Variants in UPP2 observed in about 807,000 individuals in gnomAD.
UPP2 encodes uridine phosphorylase 2.
UPP2 carries 23 observed loss-of-function variants against 26.7 expected under a neutral mutation model. That is an observed-to-expected ratio of 0.86 (90% confidence interval 0.62 to 1.22). UPP2 has a LOEUF of 1.22. UPP2 is among the 50% of genes most tolerant of loss of function. UPP2 has a pLI of 0.00. For missense variants in UPP2, 387 were observed against 396.7 expected (o/e 0.98, Z 0.21); for synonymous variants, 127 against 141.3 (o/e 0.90, Z 0.72).
At chr2:158,109,265 A>C (rs1168544916) in intron 2 of UPP2, among the ~76,000 whole-genome samples, 1 of 152,112 alleles carries the variant, frequency 6.6e-6, no homozygotes, top group East Asian at 1.9e-4. Context: ...GGGTGTATAA[A>C]GCTGAAACTT....
intron 3 of UPP2, among the ~76,000 whole-genome samples, chr2:158,056,727 T>A (rs1682251534): frequency 6.6e-6 from 1 of 152,226 alleles, no homozygotes; most frequent in African/African-American, 2.4e-5. Flanking sequence ...ACGGCAGTCG[T>A]ACTGGATTCA....
At chr2:158,051,338 A>G (rs1407414205) in intron 3 of UPP2, among the ~76,000 whole-genome samples, 2 of 152,148 alleles carry the variant, frequency 1.3e-5, no homozygotes, top group Non-Finnish European at 2.9e-5. Flanking sequence ...TAAATCTTTC[A>G]GTGAGATCCT....
intron 4 of UPP2, among the ~76,000 whole-genome samples, chr2:158,120,312 A>G (rs1258212146): frequency 6.6e-6 from 1 of 152,112 alleles, no homozygotes; most frequent in African/African-American, 2.4e-5. Flanking sequence ...TATAGACAAT[A>G]TGTAAATAAA....
At chr2:158,095,107 C>T (rs1398512950) in intron 3 of UPP2, among the ~76,000 whole-genome samples, 1 of 152,164 alleles carries the variant, frequency 6.6e-6, no homozygotes, top group Non-Finnish European at 1.5e-5. Flanking sequence ...ACAGAAATTG[C>T]TCCAGACAGG....
chr2:158,084,353 T>C (rs998068538), intron 3 of UPP2, among the ~76,000 whole-genome samples: 1 of 151,920 alleles, frequency 6.6e-6, no homozygotes, highest in African/African-American at 2.4e-5. Context: ...TTGATGGGAT[T>C]TTTTTTTCTT....
At chr2:158,035,407 G>T (rs1574256185) in intron 3 of UPP2, among the ~76,000 whole-genome samples, 1 of 152,182 alleles carries the variant, frequency 6.6e-6, no homozygotes, top group East Asian at 1.9e-4. Flanking sequence ...CACCTGCTTG[G>T]CCTCCCAAAG....
At chr2:158,082,086 G>T (rs1009191582) in intron 3 of UPP2, among the ~76,000 whole-genome samples, 1 of 151,806 alleles carries the variant, frequency 6.6e-6, no homozygotes, top group African/African-American at 2.4e-5. Flanking sequence ...GAGTAGCTGG[G>T]ACTACAGGTG....
At chr2:158,029,971 T>A (rs1396727649) in intron 3 of UPP2, among the ~76,000 whole-genome samples, 1 of 152,172 alleles carries the variant, frequency 6.6e-6, no homozygotes, top group South Asian at 2.1e-4. Flanking sequence ...CTTCAAACTT[T>A]CAAATTTGGG....
intron 3 of UPP2, among the ~76,000 whole-genome samples, chr2:158,095,455 C>T (rs925954045): frequency 6.6e-6 from 1 of 152,148 alleles, no homozygotes; most frequent in Non-Finnish European, 1.5e-5. Context: ...GATCAAATTC[C>T]CTTCTCTTGT....
intron 3 of UPP2, among the ~76,000 whole-genome samples, chr2:158,056,351 A>G (rs1471223455): frequency 6.6e-6 from 1 of 151,990 alleles, no homozygotes; most frequent in Non-Finnish European, 1.5e-5. Context: ...AGTAGTGGAA[A>G]CATTATTATT....
At chr2:158,054,384 G>GGTT (rs936561531) in intron 3 of UPP2, among the ~76,000 whole-genome samples, 2 of 65,136 alleles carry the variant, frequency 3.1e-5, no homozygotes, top group African/African-American at 2.5e-4. Context: ...GTTATTTTGA[G>GGTT]GTTTTTTTTT....
chr2:158,007,038 A>G (rs974784322), intron 2 of UPP2, among the ~76,000 whole-genome samples: 7 of 152,192 alleles, frequency 4.6e-5, no homozygotes, highest in Non-Finnish European at 5.9e-5. Flanking sequence ...TGACTCTGTG[A>G]GGTACCCATT....
intron 2 of UPP2, among the ~76,000 whole-genome samples, chr2:157,999,902 C>T (rs181079719): frequency 2.6e-5 from 4 of 151,702 alleles, no homozygotes; most frequent in Non-Finnish European, 1.5e-5. Context: ...CTAAAAACAT[C>T]AAAAGAGATG....
intron 3 of UPP2, among the ~76,000 whole-genome samples, chr2:158,045,072 C>T (rs549747284): frequency 1.3e-5 from 2 of 152,164 alleles, no homozygotes; most frequent in South Asian, 4.2e-4. Flanking sequence ...TTTCTTTTCC[C>T]TTCCAAATCA....
At chr2:158,107,661 G>C (rs901137789) in intron 2 of UPP2, among the ~76,000 whole-genome samples, 2 of 151,736 alleles carry the variant, frequency 1.3e-5, no homozygotes, top group African/African-American at 4.8e-5. Flanking sequence ...AAGGAGGGAA[G>C]GAAAGAAAAA....
upstream of UPP2, among the ~76,000 whole-genome samples, chr2:158,101,314 T>G (rs2105209878): frequency 6.6e-6 from 1 of 152,364 alleles, no homozygotes; most frequent in Middle Eastern, 3.4e-3. Context: ...TATGCTGTAT[T>G]ATTATTCCAT....
intron 3 of UPP2, among the ~76,000 whole-genome samples, chr2:158,023,088 G>A (rs1346154971): frequency 6.7e-6 from 1 of 150,002 alleles, no homozygotes; most frequent in African/African-American, 2.5e-5. Context: ...AGAGCAGGAA[G>A]TGGGTTCAGA....
intron 3 of UPP2, among the ~76,000 whole-genome samples, chr2:158,081,046 G>A (rs1415459336): frequency 6.6e-6 from 1 of 152,136 alleles, no homozygotes; most frequent in Non-Finnish European, 1.5e-5. Context: ...TGTTGATTTA[G>A]TGTTGTTACA....
At chr2:158,082,371 T>A (rs757123807) in intron 3 of UPP2, among the ~76,000 whole-genome samples, 23 of 152,186 alleles carry the variant, frequency 1.5e-4, no homozygotes, top group Non-Finnish European at 2.8e-4. Context: ...ACTCTTTCCC[T>A]AAGTCCCTAA....
Sources: allele counts gnomAD v4.1 joint callset (sites outside exome capture counted in the v4.1 genomes callset), GRCh38; gene constraint gnomAD v4.1.1; transcripts MANE v1.5; gene names NCBI Gene and HGNC (gene_info 2026-07-23, HGNC 2026-07-21).